Variants in ADAM33 observed in about 807,000 individuals in gnomAD.
ADAM33 encodes the protein ADAM metallopeptidase domain 33.
A neutral mutation model predicts 106.2 loss-of-function variants in ADAM33; 103 were observed. That is an observed-to-expected ratio of 0.97 (90% confidence interval 0.83 to 1.14). ADAM33 has a LOEUF of 1.14. ADAM33 is among the 50% of genes most tolerant of loss of function. The pLI, the probability that ADAM33 is intolerant of heterozygous loss-of-function variation, is 0.00. For synonymous variants in ADAM33, 483 were observed against 453.0 expected (o/e 1.07, Z -0.84); for missense variants, 1,120 against 1,096.6 (o/e 1.02, Z -0.30).
chr20:3,674,992 G>T, intron 4 of ADAM33, 35 bp downstream of exon 4: 1 of 1,613,074 alleles, frequency 6.2e-7, no homozygotes, highest in Non-Finnish European at 8.5e-7. Flanking sequence ...GGGTACCTCT[G>T]GCGGTGCATC....
chr20:3,668,865 G>T lies in ADAM33; in HGVS notation c.*98C>A. On this transcript the variant is annotated 3_prime_UTR_variant, in exon 22 of 22. Transcript: ENST00000356518. ...TCCAAGCTGCCTGCAGGTGCTGGAG[G>T]TCCGGTGATTCACTGGCTCTGCCCC... The T allele has an allele frequency of 7.1e-7, 1 of 1,415,678 alleles. No homozygotes were observed. The highest frequency in any genetic ancestry group is 1.0e-6 in the Non-Finnish European group (1 of 1,003,944). 87.7% of individuals were successfully genotyped at this position (1,415,678 alleles called of 1,614,324 possible). A position where few individuals can be genotyped will look rare whatever the true frequency, so the allele number is the denominator to read the frequency against.
chr20:3,674,420 T>C, intron 6 of ADAM33, 84 bp downstream of exon 6: 1 of 1,600,876 alleles, frequency 6.2e-7, no homozygotes, highest in Non-Finnish European at 8.5e-7. Context: ...ATACTGGGAC[T>C]CGAGGCCTGT....
At position 3,675,071 on chromosome 20, in the gene ADAM33, A is replaced by G. The variant is rs3918391; in HGVS notation, c.289T>C (p.Tyr97His). ...LLAPGYIETH[Y>H]GPDGQPVVLA... Reference sequence around the variant, plus strand: ...ACCACTGGCTGCCCATCTGGGCCGTAGTGGGTTTCTATGTATCCTGGGGCC... The same window carrying G: ...ACCACTGGCTGCCCATCTGGGCCGTGGTGGGTTTCTATGTATCCTGGGGCC... The change falls in exon 4 of 22, where the codon TAC becomes CAC. Residue 97 changes from tyrosine to histidine, a missense_variant. Physicochemically the swap from Tyr to His is moderately conservative, Grantham distance 83 (BLOSUM62 2). Coordinates refer to ENST00000356518, the MANE Select transcript of ADAM33 (RefSeq NM_025220.5). This position sits in a 1 kb window ranked among gnomAD's most constrained non-coding sequence, Gnocchi z 4.1. The G allele has an allele frequency of 8.7e-6, 14 of 1,613,328 alleles. No homozygotes were observed. Among genetic ancestry groups the G allele is most frequent in the Non-Finnish European group, 1.1e-5 (13 of 1,179,858 alleles).
rs749399741 is a variant in ADAM33, at chr20:3,672,549, G to A, written c.1389C>T (p.Cys463=). Residue 463 remains cysteine, a synonymous_variant, in exon 13 of 22, where the codon TGC becomes TGT. Coordinates refer to ENST00000356518, the MANE Select transcript of ADAM33 (RefSeq NM_025220.5). ...TCCATGCCCTCACCAGGCAGCGCAC[G>A]CAGCAGTCCCCGTGGGCGCACTGGG... ...PGAQCAHGDC[C]VRCLLKPAGA... The A allele has an allele frequency of 1.2e-6, 2 of 1,613,300 alleles. No homozygotes were observed. The highest frequency in any genetic ancestry group is 2.2e-5 in the East Asian group (1 of 44,872).
At chr20:3,669,515 C>A (rs569674835) in intron 20 of ADAM33, 31 bp downstream of exon 20, 1 of 1,553,696 alleles carries the variant, frequency 6.4e-7, no homozygotes, top group Non-Finnish European at 8.7e-7. Flanking sequence ...TTCTCCCTTC[C>A]CTCTCCACCT....
intron 21 of ADAM33, 143 bp downstream of exon 21, chr20:3,669,156 G>A (rs678881): frequency 1.7e-5 from 20 of 1,188,620 alleles, no homozygotes; most frequent in Admixed American, 4.0e-5. Context: ...ATCCTGGTCT[G>A]CATGATAACC....
At chr20:3,678,148 C>G (rs1434067229) in intron 2 of ADAM33, among the ~76,000 whole-genome samples, 2 of 152,260 alleles carry the variant, frequency 1.3e-5, no homozygotes, top group African/African-American at 4.8e-5. Context: ...AAGGTCTGCA[C>G]CGGGAAAAAG....
Position 3,672,525 on chromosome 20 carries a change from C to A in ADAM33, c.1401+12G>T, listed in dbSNP as rs1463557841. The A allele has an allele frequency of 6.2e-7, 1 of 1,612,800 alleles. No homozygotes were observed. ...CCCCGAAACCCTCACCCTGAACCTTCCATGCCCTCACCAGGCAGCGCACGC... is the reference window on the plus strand; with the variant it reads ...CCCCGAAACCCTCACCCTGAACCTTACATGCCCTCACCAGGCAGCGCACGC... On this transcript the variant is annotated intron_variant, in intron 13 of 21. Coordinates refer to ENST00000356518, the MANE Select transcript of ADAM33 (RefSeq NM_025220.5).
Position 3,669,388 on chromosome 20 carries a change from G to T in ADAM33, c.2333-18C>A, listed in dbSNP as rs1055401251. 3.8e-6 allele frequency: 6 copies of T among 1,599,292 alleles called. No individual in the cohort carries two copies. Among genetic ancestry groups the T allele is most frequent in the Non-Finnish European group, 5.1e-6 (6 of 1,175,226 alleles). On this transcript the variant is annotated intron_variant, in intron 20 of 21. Transcript: ENST00000356518. Reference sequence around the variant, plus strand: ...CTCAGGGTCTGGGAGAAATGGTGGAGGGTAAATGTTGTGAATATGGTCAGC... The same window carrying T: ...CTCAGGGTCTGGGAGAAATGGTGGATGGTAAATGTTGTGAATATGGTCAGC...
At chr20:3,676,750 C>A (rs2087999652) in intron 3 of ADAM33, among the ~76,000 whole-genome samples, 1 of 152,160 alleles carries the variant, frequency 6.6e-6, no homozygotes, top group Non-Finnish European at 1.5e-5. Context: ...GGTGCCGGCT[C>A]ATCTTTTCCC....
intron 1 of ADAM33, among the ~76,000 whole-genome samples, chr20:3,680,064 A>C (rs1195503417): frequency 1.3e-5 from 2 of 151,876 alleles, no homozygotes; most frequent in African/African-American, 4.8e-5. Context: ...TCCCTCGGGG[A>C]CTCTGTCCTG....
intron 19 of ADAM33, 38 bp downstream of exon 19, chr20:3,670,968 G>A (rs1187783871): frequency 6.6e-6 from 10 of 1,517,784 alleles, no homozygotes; most frequent in Middle Eastern, 2.4e-4. Flanking sequence ...GAGGGGAACC[G>A]CAGGAGTAGG....
intron 20 of ADAM33, 38 bp downstream of exon 20, chr20:3,669,508 T>G: frequency 6.5e-7 from 1 of 1,549,688 alleles, no homozygotes; most frequent in Non-Finnish European, 8.7e-7. Context: ...CCTTCCCTTC[T>G]CCCTTCCCTC....
rs776406204 is a variant in ADAM33 at position 3,671,628 on chromosome 20, G to A, written c.1858C>T (p.Leu620Phe). The change falls in exon 16 of 22, where the codon CTT becomes TTT. Residue 620 changes from leucine to phenylalanine, a missense_variant. Transcript: ENST00000356518. ...CCTGGCTCTACCAGGCCCAGGCCAA[G>A]CAGGTCCAGCTGGGCACTGGGGAGT... is the stretch of plus-strand genomic sequence containing the variant. ...LALPSAQLDL[L>F]GLGLVEPGTQ... 4.5e-5 allele frequency: 71 copies of A among 1,581,378 alleles called. No individual in the cohort carries two copies. Among genetic ancestry groups the A allele is most frequent in the Admixed American group, 1.3e-4 (7 of 54,946 alleles).
Position 3,673,362 on chromosome 20 carries a change from C to T in ADAM33, c.1125G>A (p.Ala375=). The change falls in exon 11 of 22, where the codon GCG becomes GCA. Residue 375 remains alanine, a synonymous_variant. Transcript: ENST00000356518. ...AAESGGCVMA[A]ATGHPFPRVF... ...ACCCCCCACCCGCGTACCCGGTGGC[C>T]GCAGCCATGACGCAGCCTCCGGACT... The T allele has an allele frequency of 6.5e-7, 1 of 1,539,524 alleles. No individual in the cohort carries two copies. The highest frequency in any genetic ancestry group is 8.7e-7 in the Non-Finnish European group (1 of 1,149,140).
At position 3,680,918 on chromosome 20, in the gene ADAM33, C is replaced by T. The variant is rs529885559; in HGVS notation, c.97+990G>A. Among the ~76,000 whole-genome samples, 15 of 152,218 alleles carry T rather than the reference C, an allele frequency of 9.9e-5. No individual in the cohort carries two copies. In the South Asian group the frequency reaches 2.3e-3, roughly 23 times the overall value. On this transcript the variant is annotated intron_variant, in intron 1 of 21. Transcript: ENST00000356518. ...TGACCGGGTGAATGGGGGTGGAACCCGAGGGAGCCAGGCTGGTATTGGGCA... is the reference window on the plus strand; with the variant it reads ...TGACCGGGTGAATGGGGGTGGAACCTGAGGGAGCCAGGCTGGTATTGGGCA...
Position 3,673,772 on chromosome 20 carries a change from C to T in ADAM33, c.878G>A (p.Arg293Gln), listed in dbSNP as rs1488677719. 2.6e-5 allele frequency: 39 copies of T among 1,528,246 alleles called. No individual in the cohort carries two copies. Among genetic ancestry groups the T allele is most frequent in the Non-Finnish European group, 3.2e-5 (37 of 1,142,854 alleles). 94.7% of individuals were successfully genotyped at this position (1,528,246 alleles called of 1,614,324 possible). A position where few individuals can be genotyped will look rare whatever the true frequency, so the allele number is the denominator to read the frequency against. Residue 293 changes from arginine to glutamine, a missense_variant, in exon 9 of 22, where the codon CGG (arginine) becomes CAG (glutamine). Arg to Gln is a conservative substitution (Grantham distance 43). Coordinates refer to ENST00000356518, the MANE Select transcript of ADAM33 (RefSeq NM_025220.5). Reference sequence around the variant, plus strand: ...GAGCAGCTGCGCGGAGTCGTGGGGCCGCTGCGCCCACAGCCCCCGGCGCCA... The same window carrying T: ...GAGCAGCTGCGCGGAGTCGTGGGGCTGCTGCGCCCACAGCCCCCGGCGCCA... ...LQWRRGLWAQ[R>Q]PHDSAQLLTG...
chr20:3,675,122 C>G lies in ADAM33; in HGVS notation c.255-17G>C. 1 of 1,595,098 alleles carries G rather than the reference C, an allele frequency of 6.3e-7. No homozygotes were observed. The highest frequency in any genetic ancestry group is 1.3e-5 in the African/African-American group (1 of 74,678). ...AGCAGCCTGCTGAGAGGGGGTGTTA[C>G]AGGGAACACTGAATTCAGCTTCCTC... On this transcript the variant is annotated splice_polypyrimidine_tract_variant and intron_variant, in intron 3 of 21. Transcript: ENST00000356518. The surrounding 1 kb of genome is among the most constrained non-coding windows in gnomAD (Gnocchi z 4.1).
intron 2 of ADAM33, among the ~76,000 whole-genome samples, chr20:3,677,453 C>G (rs2088074985): frequency 6.6e-6 from 1 of 152,220 alleles, no homozygotes; most frequent in Non-Finnish European, 1.5e-5. Flanking sequence ...CTGGCCCGCC[C>G]TCTTCTTTCA....
Sources: gnomAD v4.1 joint callset for allele counts (sites outside exome capture counted in the v4.1 genomes callset) on GRCh38, gnomAD v4.1.1 for gene constraint, Gnocchi (gnomAD v3.1) non-coding constraint, MANE v1.5 for transcripts, NCBI Gene and HGNC (gene_info 2026-07-23, HGNC 2026-07-21) for gene names.